METTL8: variants seen among roughly 807,000 people sequenced by gnomAD.
METTL8 encodes methyltransferase 8, tRNA N3-cytidine.
A neutral mutation model predicts 48.7 loss-of-function variants in METTL8; 32 were observed. That is an observed-to-expected ratio of 0.66 (90% CI 0.50 to 0.88). METTL8 has a LOEUF of 0.88. METTL8 is among the 40% of genes least tolerant of loss of function. METTL8 has a pLI of 0.00. For missense variants in METTL8, 464 were observed against 474.4 expected (o/e 0.98, Z 0.20); for synonymous variants, 136 against 157.1 (o/e 0.87, Z 1.01).
chr2:171,326,194 T>TTGGAAACAAA, intron 7 of METTL8, 46 bp from the exon 8 acceptor site: 1 of 1,020,498 alleles, frequency 9.8e-7, no homozygotes, highest in African/African-American at 1.6e-5. Flanking sequence ...GTAGAAATCT[T>TTGGAAACAAA]GTTTTATATG....
rs1025494012 is a variant in METTL8, at chr2:171,319,372, G to A, written c.*4800C>T. On this transcript the variant is annotated 3_prime_UTR_variant, in exon 10 of 10. Transcript: ENST00000375258. ...TGCAAATGTGAAGTTATCTGCACTTGTGAGGAGCATAACAAACATCAAAAC... is the reference window on the plus strand; with the variant it reads ...TGCAAATGTGAAGTTATCTGCACTTATGAGGAGCATAACAAACATCAAAAC... The A allele has an allele frequency of 6.6e-6, 1 of 152,220 alleles. No homozygotes were observed. The highest frequency in any genetic ancestry group is 2.4e-5 in the African/African-American group (1 of 41,470). 9.4% of individuals were successfully genotyped at this position (152,220 alleles called of 1,614,324 possible). A position where few individuals can be genotyped will look rare whatever the true frequency, so the allele number is the denominator to read the frequency against.
chr2:171,387,127 A>AGCCC (rs55952977), intron 2 of METTL8, among the ~76,000 whole-genome samples: 5 of 152,180 alleles, frequency 3.3e-5, no homozygotes, highest in African/African-American at 1.2e-4. Context: ...GGATACAGAA[A>AGCCC]TCTGTCTTTA....
rs140209595 is a variant in METTL8 at position 171,339,284 on chromosome 2, G to A, written c.506C>T (p.Thr169Ile). Residue 169 changes from threonine to isoleucine, a missense_variant, in exon 4 of 10, where the codon ACA becomes ATA. Thr to Ile is a moderately conservative substitution (Grantham distance 89). Coordinates refer to ENST00000375258, the MANE Select transcript of METTL8 (RefSeq NM_001321154.2). The stretch of plus-strand genomic sequence containing the variant: ...GTCTAGGTTGGAAAAATCAGATTCT[G>A]TTTTGCTTTGACCTTCTGAAGAACC... ...SSGSSEGQSK[T>I]ESDFSNLDSE... 8.1e-6 allele frequency: 13 copies of A among 1,612,622 alleles called. No individual in the cohort carries two copies. In the African/African-American group the frequency reaches 1.6e-4, roughly 20 times the overall value.
At chr2:171,384,593 G>T (rs1193397575) in intron 2 of METTL8, among the ~76,000 whole-genome samples, 1 of 152,056 alleles carries the variant, frequency 6.6e-6, no homozygotes, top group Non-Finnish European at 1.5e-5. Flanking sequence ...ACTTTAGGAG[G>T]CTGAGGCAGG....
At chr2:171,341,958 C>A (rs1686823015) in intron 3 of METTL8, among the ~76,000 whole-genome samples, 1 of 151,838 alleles carries the variant, frequency 6.6e-6, no homozygotes, top group Non-Finnish European at 1.5e-5. Flanking sequence ...TGGCTGGGGA[C>A]CACAGTTGGA....
rs147384449 is a variant in METTL8, at chr2:171,413,435, G to A, written c.-13+20448C>T. 8.6e-4 allele frequency among the ~76,000 whole-genome samples: 131 copies of A among 152,188 alleles called. 2 individuals are homozygous for A. In the East Asian group the frequency reaches 0.022, roughly 26 times the overall value. On this transcript the variant is annotated intron_variant, in intron 1 of 9. Transcript: ENST00000375258. ...TGAGACATTGAGATTTGCAAAAAATGTAAAACAATGCCATTCTTCTAATAT... is the reference window on the plus strand; with the variant it reads ...TGAGACATTGAGATTTGCAAAAAATATAAAACAATGCCATTCTTCTAATAT...
upstream of METTL8, chr2:171,434,642 C>CGA: frequency 6.5e-7 from 1 of 1,534,834 alleles, no homozygotes; most frequent in South Asian, 1.2e-5. Context: ...GGCTGCTTCT[C>CGA]GCGCGACGCA....
chr2:171,377,706 G>A (rs1230564199), intron 2 of METTL8, among the ~76,000 whole-genome samples: 1 of 152,126 alleles, frequency 6.6e-6, no homozygotes, highest in African/African-American at 2.4e-5. Context: ...ACTCCTGCAT[G>A]CATGGCCATA....
rs182401370 is a variant in METTL8, at chr2:171,336,191, G to T, written c.656+1262C>A. On this transcript the variant is annotated intron_variant, in intron 5 of 9. Transcript: ENST00000375258. ...GCTCACTGCAACCTCCACCTCCTGGGTTCAAGCAATTCTCCTGTCTCGGCC... is the reference window on the plus strand; with the variant it reads ...GCTCACTGCAACCTCCACCTCCTGGTTTCAAGCAATTCTCCTGTCTCGGCC... Among the ~76,000 whole-genome samples the T allele has an allele frequency of 1.8e-3, 280 of 152,148 alleles. 7 individuals carry two copies. In the East Asian group the frequency reaches 0.028, roughly 15 times the overall value.
At chr2:171,372,105 C>T (rs562300573) in intron 2 of METTL8, among the ~76,000 whole-genome samples, 3 of 152,160 alleles carry the variant, frequency 2.0e-5, no homozygotes, top group African/African-American at 7.2e-5. Flanking sequence ...TACCCACCTG[C>T]CTCATTAAAT....
At position 171,375,422 on chromosome 2, in the gene METTL8, C is replaced by T. The variant is rs1686862942; in HGVS notation, c.144-14909G>A. The T allele has an allele frequency of 9.9e-6, 6 of 605,454 alleles. No individual in the cohort carries two copies. The South Asian group carries it at 1.2e-4, about 12-fold the overall frequency. The allele number at this position is 605,454 out of a possible 1,614,324, so 37.5% of individuals were successfully genotyped here. A position where few individuals can be genotyped will look rare whatever the true frequency, so the allele number is the denominator to read the frequency against. On this transcript the variant is annotated intron_variant, in intron 2 of 9. Transcript: ENST00000375258. ...CAAAATGGTTATACCATTTTATATT[C>T]CCACCAGCAGTGTATGAAAGTTCCA...
chr2:171,373,649 T>A lies in METTL8; in HGVS notation c.144-13136A>T, dbSNP rs532187340. ...TAAGTCTTTAATCCATCTTGAATTA[T>A]TTTTTGTATAAGGTCTAAGGAAGGG... On this transcript the variant is annotated intron_variant, in intron 2 of 9. Coordinates refer to ENST00000375258, the MANE Select transcript of METTL8 (RefSeq NM_001321154.2). Among the ~76,000 whole-genome samples the A allele has an allele frequency of 2.6e-4, 40 of 152,306 alleles. 2 individuals are homozygous for A. The South Asian group carries it at 8.3e-3, about 32-fold the overall frequency.
chr2:171,322,886 T>A lies in METTL8; in HGVS notation c.*1286A>T, dbSNP rs545286918. 4.6e-5 allele frequency: 7 copies of A among 152,414 alleles called. No homozygotes were observed. The highest frequency in any genetic ancestry group is 1.7e-4 in the African/African-American group (7 of 41,596). The allele number at this position is 152,414 out of a possible 1,614,324, so 9.4% of individuals were successfully genotyped here. The stretch of plus-strand genomic sequence containing the variant: ...GGGGTGGATTATTCAGGCCTCCCCT[T>A]TGTAGACCATATGGGTAACTTCCTG... On this transcript the variant is annotated 3_prime_UTR_variant, in exon 10 of 10. Coordinates refer to ENST00000375258, the MANE Select transcript of METTL8 (RefSeq NM_001321154.2).
intron 2 of METTL8, among the ~76,000 whole-genome samples, chr2:171,372,697 T>C (rs1034710032): frequency 1.3e-5 from 2 of 152,192 alleles, no homozygotes; most frequent in Non-Finnish European, 2.9e-5. Flanking sequence ...AATGTTCTCA[T>C]TGTTCAATTC....
At chr2:171,364,312 A>C (rs975724874) in intron 2 of METTL8, among the ~76,000 whole-genome samples, 6 of 152,288 alleles carry the variant, frequency 3.9e-5, no homozygotes, top group African/African-American at 1.4e-4. Flanking sequence ...TCTATGTTTA[A>C]GACATACAAC....
intron 5 of METTL8, among the ~76,000 whole-genome samples, chr2:171,334,124 C>T (rs1685836225): frequency 6.6e-6 from 1 of 151,162 alleles, no homozygotes; most frequent in African/African-American, 2.5e-5. Context: ...AAAAAACTTC[C>T]ATATAGTTCA....
intron 2 of METTL8, among the ~76,000 whole-genome samples, chr2:171,379,566 G>C (rs1385130882): frequency 6.6e-6 from 1 of 152,056 alleles, no homozygotes; most frequent in Non-Finnish European, 1.5e-5. Context: ...AAATGATAAA[G>C]GGGATATCAC....
chr2:171,350,783 A>T (rs1243352075), intron 3 of METTL8, among the ~76,000 whole-genome samples: 1 of 152,150 alleles, frequency 6.6e-6, no homozygotes, highest in Non-Finnish European at 1.5e-5. Flanking sequence ...GTCTATTCAT[A>T]TCCTTTGCCC....
rs1026037691 is a variant in METTL8 at position 171,320,180 on chromosome 2, G to A, written c.*3992C>T. The A allele has an allele frequency of 1.3e-5, 2 of 151,716 alleles. No homozygotes were observed. Among genetic ancestry groups the A allele is most frequent in the African/African-American group, 4.8e-5 (2 of 41,272 alleles). 9.4% of individuals were successfully genotyped at this position (151,716 alleles called of 1,614,324 possible). A position where few individuals can be genotyped will look rare whatever the true frequency, so the allele number is the denominator to read the frequency against. On this transcript the variant is annotated 3_prime_UTR_variant, in exon 10 of 10. Coordinates refer to ENST00000375258, the MANE Select transcript of METTL8 (RefSeq NM_001321154.2). ...ACATTTCTATCTAGCAGCAAACCCCGAGAAGGAAGTTGTTGTAGGTAGGTT... is the reference window on the plus strand; with the variant it reads ...ACATTTCTATCTAGCAGCAAACCCCAAGAAGGAAGTTGTTGTAGGTAGGTT...
Sources: gnomAD v4.1 joint callset for allele counts (sites outside exome capture counted in the v4.1 genomes callset) on GRCh38, gnomAD v4.1.1 for gene constraint, MANE v1.5 for transcripts, NCBI Gene and HGNC (gene_info 2026-07-23, HGNC 2026-07-21) for gene names.